Variants in PDE4B observed in about 807,000 individuals in gnomAD.
The protein encoded by PDE4B is 3',5'-cyclic-AMP phosphodiesterase 4B.
PDE4B carries 20 observed loss-of-function variants against 82.2 expected under a neutral mutation model. The observed-to-expected ratio is 0.24, with a 90% CI of 0.17 to 0.35. The LOEUF is 0.35. PDE4B is among the 10% of genes least tolerant of loss of function. PDE4B has a pLI of 1.00. For synonymous variants in PDE4B, 320 were observed against 318.9 expected, an observed-to-expected ratio of 1.00 and a Z score of -0.04; for missense variants, 655 against 907.2, an observed-to-expected ratio of 0.72 and a Z score of 3.57.
intron 9 of PDE4B, among the ~76,000 whole-genome samples, chr1:66,358,149 G>A (rs191635384): frequency 8.0e-4 from 122 of 152,242 alleles, no homozygotes; most frequent in Non-Finnish European, 1.1e-3. Context: ...GGACCCAGAG[G>A]GATGAGGTAA....
chr1:66,140,902 C>G (rs1166483644), intron 3 of PDE4B, among the ~76,000 whole-genome samples: 1 of 152,110 alleles, frequency 6.6e-6, no homozygotes, highest in Non-Finnish European at 1.5e-5. Flanking sequence ...TTCTGCCACC[C>G]ACTTACATTT....
At chr1:66,264,902 C>T (rs1322075365) in intron 6 of PDE4B, among the ~76,000 whole-genome samples, 1 of 152,160 alleles carries the variant, frequency 6.6e-6, no homozygotes, top group Non-Finnish European at 1.5e-5. Context: ...GGCCTCATCT[C>T]GGATATACTG....
At chr1:66,258,869 T>C (rs1026406945) in intron 6 of PDE4B, among the ~76,000 whole-genome samples, 17 of 152,336 alleles carry the variant, frequency 1.1e-4, no homozygotes, top group Admixed American at 2.0e-4. Context: ...TCTTTCACTG[T>C]TTTATGACTA....
At chr1:66,058,406 C>T (rs1015981159) in intron 3 of PDE4B, among the ~76,000 whole-genome samples, 2 of 152,234 alleles carry the variant, frequency 1.3e-5, no homozygotes, top group Admixed American at 6.5e-5. Context: ...CTTCTCACAG[C>T]TCCAATAGGC....
Position 66,369,104 on chromosome 1 carries a change from T to G in PDE4B, c.1845+135T>G, listed in dbSNP as rs1289338591. 6.0e-6 allele frequency: 4 copies of G among 663,530 alleles called. No homozygotes were observed. In the East Asian group the frequency reaches 1.2e-4, roughly 20 times the overall value. The allele number at this position is 663,530 out of a possible 1,614,324, so 41.1% of individuals were successfully genotyped here. A position where few individuals can be genotyped will look rare whatever the true frequency, so the allele number is the denominator to read the frequency against. ...GGAGACAACTACGCATTTTGTTCCATTATAGTCAGGACTCATGCGACTTCT... is the reference window on the plus strand; with the variant it reads ...GGAGACAACTACGCATTTTGTTCCAGTATAGTCAGGACTCATGCGACTTCT... On this transcript the variant is annotated intron_variant, in intron 16 of 16. Coordinates refer to ENST00000341517, the MANE Select transcript of PDE4B (RefSeq NM_002600.4).
Position 65,866,980 on chromosome 1 carries a change from T to G in PDE4B, c.-70-46265T>G, listed in dbSNP as rs190897654. Among the ~76,000 whole-genome samples the G allele has an allele frequency of 2.6e-5, 4 of 152,324 alleles. No individual in the cohort carries two copies. The East Asian group carries it at 7.7e-4, about 29-fold the overall frequency. ...TTGATGTGATAATGGTATTGTGGTG[T>G]TTTAACAAAGAATTTCTAACTTTTA... is the stretch of plus-strand genomic sequence containing the variant. On this transcript the variant is annotated intron_variant, in intron 1 of 16. Coordinates refer to ENST00000341517, the MANE Select transcript of PDE4B (RefSeq NM_002600.4).
At chr1:66,017,144 T>C (rs1246899219) in intron 3 of PDE4B, among the ~76,000 whole-genome samples, 1 of 152,214 alleles carries the variant, frequency 6.6e-6, no homozygotes, top group Non-Finnish European at 1.5e-5. Flanking sequence ...ACTTGATGTC[T>C]TCTTTCAGAC....
intron 8 of PDE4B, chr1:66,354,627 A>C: frequency 7.3e-7 from 1 of 1,360,580 alleles, no homozygotes; most frequent in Non-Finnish European, 9.4e-7. Context: ...CTGCCAGGAA[A>C]TAAGCAGGGA....
Position 65,948,319 on chromosome 1 carries a change from A to G in PDE4B, c.281+29484A>G, listed in dbSNP as rs142020339. ...GGTTCTCTAGAATCATATATATATT[A>G]TATATATGAGAGCTTATTATGTATT... On this transcript the variant is annotated intron_variant, in intron 3 of 16. Transcript: ENST00000341517. Among the ~76,000 whole-genome samples, 934 of 151,922 alleles carry G rather than the reference A, an allele frequency of 6.1e-3. 5 individuals are homozygous for G. Among genetic ancestry groups the G allele is most frequent in the Non-Finnish European group, 0.011 (750 of 67,934 alleles).
chr1:66,318,809 A>C (rs72926324), intron 7 of PDE4B, among the ~76,000 whole-genome samples: 1 of 152,216 alleles, frequency 6.6e-6, no homozygotes, highest in Non-Finnish European at 1.5e-5. Flanking sequence ...AAGACTTTGA[A>C]ATTCAGCATG....
chr1:65,997,284 G>A (rs1254407888), intron 3 of PDE4B, among the ~76,000 whole-genome samples: 1 of 151,938 alleles, frequency 6.6e-6, no homozygotes, highest in Admixed American at 6.6e-5. Flanking sequence ...AAGTTAGTAG[G>A]AGAAAAGAGG....
At chr1:66,149,608 C>G (rs933490779) in intron 3 of PDE4B, among the ~76,000 whole-genome samples, 4 of 152,104 alleles carry the variant, frequency 2.6e-5, no homozygotes, top group African/African-American at 9.7e-5. Context: ...AATCCCAGAA[C>G]TTTGGGAAGC....
At chr1:65,954,606 A>G (rs1246522828) in intron 3 of PDE4B, among the ~76,000 whole-genome samples, 1 of 152,208 alleles carries the variant, frequency 6.6e-6, no homozygotes, top group Non-Finnish European at 1.5e-5. Flanking sequence ...CTACAAATCA[A>G]TATCTAGATG....
intron 1 of PDE4B, among the ~76,000 whole-genome samples, chr1:65,896,876 T>C (rs111891077): frequency 0.012 from 1,783 of 152,248 alleles, 21 homozygotes; most frequent in Non-Finnish European, 0.02. Flanking sequence ...AATAAGAAAA[T>C]TTAGGCATAA....
intron 3 of PDE4B, among the ~76,000 whole-genome samples, chr1:66,176,178 A>G (rs960991145): frequency 3.3e-5 from 5 of 152,198 alleles, no homozygotes; most frequent in Non-Finnish European, 7.3e-5. Flanking sequence ...TTGACTCAAC[A>G]AAGGCAAGAT....
At chr1:65,887,238 CTTTCTTTCT>C (rs1266998265) in intron 1 of PDE4B, among the ~76,000 whole-genome samples, 535 of 19,652 alleles carry the variant, frequency 0.027, 13 homozygotes, top group South Asian at 0.061. Flanking sequence ...TTCTTTCTTT[CTTTCTTTCT>C]TTTCTTTCTT....
At chr1:66,310,287 G>C (rs1658576062) in intron 7 of PDE4B, among the ~76,000 whole-genome samples, 1 of 152,178 alleles carries the variant, frequency 6.6e-6, no homozygotes, top group Admixed American at 6.5e-5. Context: ...CTTTCTTTTA[G>C]AGTGAGCTGG....
intron 3 of PDE4B, among the ~76,000 whole-genome samples, chr1:66,110,562 A>G (rs981486166): frequency 1.3e-5 from 2 of 152,108 alleles, no homozygotes; most frequent in Non-Finnish European, 2.9e-5. Flanking sequence ...TAAAGGAGGT[A>G]GCAATGCTTA....
At chr1:65,829,409 C>T (rs906899548) in intron 1 of PDE4B, among the ~76,000 whole-genome samples, 10 of 152,040 alleles carry the variant, frequency 6.6e-5, no homozygotes, top group Non-Finnish European at 4.4e-5. Context: ...AGGCAAAAAT[C>T]GTTAAGGATA....
Sources: allele counts gnomAD v4.1 joint callset (sites outside exome capture counted in the v4.1 genomes callset), GRCh38; gene constraint gnomAD v4.1.1; transcripts MANE v1.5; gene names NCBI Gene and HGNC (gene_info 2026-07-23, HGNC 2026-07-21).